Variants in AGBL4 observed in about 807,000 individuals in gnomAD.
The protein encoded by AGBL4 is cytosolic carboxypeptidase 6.
Under a neutral mutation model 66.4 loss-of-function variants are expected in AGBL4, and 58 were observed. The observed-to-expected ratio is 0.87, with a 90% CI of 0.71 to 1.09. The LOEUF (loss-of-function observed/expected upper bound fraction) is 1.09. AGBL4 is among the 50% of genes least tolerant of loss of function. The pLI is 0.00. For missense variants in AGBL4, 579 were observed against 631.0 expected, an observed-to-expected ratio of 0.92 and a Z score of 0.88; for synonymous variants, 234 against 222.9, an observed-to-expected ratio of 1.05 and a Z score of -0.44.
intron 6 of AGBL4, among the ~76,000 whole-genome samples, chr1:48,672,293 T>C (rs1646288842): frequency 6.6e-6 from 1 of 152,220 alleles, no homozygotes; most frequent in South Asian, 2.1e-4. Context: ...GAATGAATCC[T>C]TCTTTTAGTA....
intron 3 of AGBL4, among the ~76,000 whole-genome samples, chr1:49,410,450 G>A (rs1307696669): frequency 1.3e-5 from 2 of 152,072 alleles, no homozygotes; most frequent in Admixed American, 1.3e-4. Flanking sequence ...AGGTCAGCAG[G>A]GGTTGTGGAA....
chr1:49,357,561 G>T (rs967092587), intron 3 of AGBL4, among the ~76,000 whole-genome samples: 1 of 152,088 alleles, frequency 6.6e-6, no homozygotes, highest in African/African-American at 2.4e-5. Flanking sequence ...CTATTAAATG[G>T]TTCCTATATT....
At chr1:49,471,352 AT>A (rs1378999150) in intron 3 of AGBL4, among the ~76,000 whole-genome samples, 2 of 151,984 alleles carry the variant, frequency 1.3e-5, no homozygotes, top group African/African-American at 4.8e-5. Context: ...TCTTCCAAAA[AT>A]TTGTTTTTGT....
chr1:49,069,338 T>G (rs1034821744), intron 4 of AGBL4, among the ~76,000 whole-genome samples: 55 of 152,356 alleles, frequency 3.6e-4, no homozygotes, highest in African/African-American at 1.2e-3. Flanking sequence ...TTGCCTAGGA[T>G]TTCTTCAAGG....
intron 2 of AGBL4, among the ~76,000 whole-genome samples, chr1:49,806,151 G>A (rs1455741036): frequency 1.3e-5 from 2 of 152,168 alleles, no homozygotes; most frequent in East Asian, 3.9e-4. Context: ...TAGAAGGACA[G>A]CAGGGGAGTT....
chr1:49,414,153 A>C (rs1645376966), intron 3 of AGBL4, among the ~76,000 whole-genome samples: 1 of 152,206 alleles, frequency 6.6e-6, no homozygotes, highest in Non-Finnish European at 1.5e-5. Context: ...ATGTGTATGT[A>C]TACATACGTA....
chr1:49,161,307 A>G (rs1328319874), intron 4 of AGBL4, among the ~76,000 whole-genome samples: 1 of 152,102 alleles, frequency 6.6e-6, no homozygotes, highest in East Asian at 1.9e-4. Flanking sequence ...TAGGAGAGGG[A>G]GTTCCCTGAC....
intron 2 of AGBL4, among the ~76,000 whole-genome samples, chr1:49,794,914 G>A (rs905715240): frequency 1.3e-5 from 2 of 151,838 alleles, no homozygotes; most frequent in Non-Finnish European, 2.9e-5. Flanking sequence ...TATAATTTAC[G>A]AAATATCTGC....
chr1:48,597,605 T>C (rs1645012523), intron 9 of AGBL4, among the ~76,000 whole-genome samples: 1 of 150,956 alleles, frequency 6.6e-6, no homozygotes, highest in Non-Finnish European at 1.5e-5. Flanking sequence ...CCTGGCAAAA[T>C]TGTCTTTCAA....
At chr1:49,615,283 G>A (rs575180869) in intron 3 of AGBL4, among the ~76,000 whole-genome samples, 29 of 152,220 alleles carry the variant, frequency 1.9e-4, no homozygotes, top group African/African-American at 5.5e-4. Context: ...TTGTCTATAT[G>A]CTAGAACAGA....
chr1:49,580,786 T>C (rs1449220561), intron 3 of AGBL4, among the ~76,000 whole-genome samples: 4 of 152,218 alleles, frequency 2.6e-5, no homozygotes, highest in Non-Finnish European at 4.4e-5. Flanking sequence ...CTTGCTGTTT[T>C]TTAGAATTCA....
chr1:49,265,078 CTTT>C (rs1015886348), intron 3 of AGBL4, among the ~76,000 whole-genome samples: 5 of 151,834 alleles, frequency 3.3e-5, no homozygotes, highest in African/African-American at 7.3e-5. Context: ...GTTTTTCCTT[CTTT>C]ATTTAGTAAT....
At chr1:48,615,246 C>G (rs1645299424) in intron 9 of AGBL4, among the ~76,000 whole-genome samples, 1 of 152,130 alleles carries the variant, frequency 6.6e-6, no homozygotes, top group African/African-American at 2.4e-5. Context: ...TCTTTGAATA[C>G]CAAACTGGGA....
intron 3 of AGBL4, among the ~76,000 whole-genome samples, chr1:49,593,447 G>C (rs1322893291): frequency 6.6e-6 from 1 of 152,010 alleles, no homozygotes; most frequent in African/African-American, 2.4e-5. Flanking sequence ...GGGTAATACT[G>C]AAAACAACTA....
At chr1:48,750,528 A>C (rs1449554790) in intron 6 of AGBL4, among the ~76,000 whole-genome samples, 1 of 152,134 alleles carries the variant, frequency 6.6e-6, no homozygotes, top group Non-Finnish European at 1.5e-5. Flanking sequence ...ACATCCTGAG[A>C]GCTCGGGACC....
intron 6 of AGBL4, chr1:48,817,608 C>T (rs1646211945): frequency 5.7e-6 from 1 of 176,912 alleles, no homozygotes; most frequent in Non-Finnish European, 1.2e-5. Context: ...GTGTCCAGAT[C>T]AAGTTGTCTA....
intron 2 of AGBL4, among the ~76,000 whole-genome samples, chr1:49,779,019 A>T (rs1644269859): frequency 6.6e-6 from 1 of 152,212 alleles, no homozygotes; most frequent in African/African-American, 2.4e-5. Flanking sequence ...CACTACCAAA[A>T]CATACAACAA....
chr1:49,955,302 C>T (rs1417384438), intron 1 of AGBL4, among the ~76,000 whole-genome samples: 2 of 152,036 alleles, frequency 1.3e-5, no homozygotes, highest in East Asian at 1.9e-4. Context: ...CTTACAAAAA[C>T]AAAGTTTCAC....
rs113319614 is a variant in AGBL4 at position 49,784,464 on chromosome 1, A to G, written c.157+66932T>C. Among the ~76,000 whole-genome samples, 11 of 152,150 alleles carry G rather than the reference A, an allele frequency of 7.2e-5. 1 individual carries two copies. Among genetic ancestry groups the G allele is most frequent in the African/African-American group, 2.6e-4 (11 of 41,562 alleles). ...AGTTGGAACCCTTCCTCAAACCACA[A>G]ATGATGGAGTTAGACCCCTTTCTCA... On this transcript the variant is annotated intron_variant, in intron 2 of 13. Transcript: ENST00000371839.
Sources: gnomAD v4.1 joint callset for allele counts (sites outside exome capture counted in the v4.1 genomes callset) on GRCh38, gnomAD v4.1.1 for gene constraint, MANE v1.5 for transcripts, NCBI Gene and HGNC (gene_info 2026-07-23, HGNC 2026-07-21) for gene names.